Variants in DRG2 observed in about 807,000 individuals in gnomAD.
DRG2 encodes the protein developmentally-regulated GTP-binding protein 2.
Under a neutral mutation model 53.4 loss-of-function variants are expected in DRG2, and 36 were observed. That is an observed-to-expected ratio of 0.67 (90% confidence interval 0.52 to 0.89). The LOEUF is 0.89. Among genes scored for constraint, DRG2 ranks in the 40% least tolerant of loss-of-function variants. The probability of loss-of-function intolerance (pLI) is 0.00; values close to 1 mark genes in which losing one functional copy is unlikely to be tolerated. For synonymous variants in DRG2, 167 were observed against 192.1 expected, an observed-to-expected ratio of 0.87 and a Z score of 1.08; for missense variants, 342 against 481.2, an observed-to-expected ratio of 0.71 and a Z score of 2.71.
At position 18,098,303 on chromosome 17, in the gene DRG2, A is replaced by T; in HGVS notation, c.259A>T (p.Ser87Cys). 1.9e-6 allele frequency: 3 copies of T among 1,614,022 alleles called. No homozygotes were observed. The highest frequency in any genetic ancestry group is 2.5e-6 in the Non-Finnish European group (3 of 1,179,916). ...TFLSLMTSTA[S>C]EAASYEFTTL... ...CTTGAGTCTGATGACCTCCACGGCC[A>T]GCGAGGCAGCGTCCTATGAGTTCAC... The change falls in exon 3 of 13, where the codon AGC becomes TGC. Residue 87 changes from serine (S) to cysteine (C), a missense_variant. Coordinates refer to ENST00000225729, the MANE Select transcript of DRG2 (RefSeq NM_001388.5). This position sits in a 1 kb window ranked among gnomAD's most constrained non-coding sequence, Gnocchi z 4.1.
chr17:18,095,965 T>C (rs2045427775), intron 2 of DRG2: 1 of 152,218 alleles, frequency 6.6e-6, no homozygotes, highest in Non-Finnish European at 1.5e-5. Flanking sequence ...TAGACTTGCC[T>C]TGATTTGATA....
chr17:18,088,101 G>A lies in DRG2; in HGVS notation c.64+14G>A. 6.5e-7 allele frequency: 1 copy of A among 1,538,930 alleles called. No homozygotes were observed. The highest frequency in any genetic ancestry group is 1.2e-5 in the South Asian group (1 of 82,124). ...AGAAGAACAAGGGTGAGGGCCGGCCGGGCGGGGCCTTCCTTTCTGCCTGCC... is the reference window on the plus strand; with the variant it reads ...AGAAGAACAAGGGTGAGGGCCGGCCAGGCGGGGCCTTCCTTTCTGCCTGCC... On this transcript the variant is annotated intron_variant, in intron 1 of 12. Transcript: ENST00000225729.
Position 18,099,206 on chromosome 17 carries a change from T to TTCCA in DRG2, c.376+130_376+133dup. ...TATCCCGCTTTCCAGAAAAGACAGG[T>TTCCA]TCCAGTTCAAATCCTTGGCACCAAA... On this transcript the variant is annotated intron_variant, in intron 4 of 12. Coordinates refer to ENST00000225729, the MANE Select transcript of DRG2 (RefSeq NM_001388.5). The surrounding 1 kb of genome is among the most constrained non-coding windows in gnomAD (Gnocchi z 4.4). The TTCCA allele has an allele frequency of 7.9e-7, 1 of 1,273,194 alleles. No individual in the cohort carries two copies. Among genetic ancestry groups the TTCCA allele is most frequent in the Non-Finnish European group, 1.1e-6 (1 of 911,160 alleles). The allele number at this position is 1,273,194 out of a possible 1,614,324, so 78.9% of individuals were successfully genotyped here.
At chr17:18,090,654 C>T (rs1307930712) in intron 1 of DRG2, among the ~76,000 whole-genome samples, 1 of 151,750 alleles carries the variant, frequency 6.6e-6, no homozygotes, top group Non-Finnish European at 1.5e-5. Context: ...CCCACCTCGG[C>T]TTCCCAAAGT....
At chr17:18,106,692 T>G (rs1224851980) in intron 12 of DRG2, among the ~76,000 whole-genome samples, 2 of 145,426 alleles carry the variant, frequency 1.4e-5, no homozygotes, top group East Asian at 2.0e-4. Context: ...TTCTGGTTTT[T>G]TTTTTTTTTT....
In DRG2 at chr17:18,104,567, A is replaced by G. The variant is rs1332046453; in HGVS notation, c.896-56A>G. 3.7e-6 allele frequency: 6 copies of G among 1,612,106 alleles called. No homozygotes were observed. The African/African-American group carries it at 4.0e-5, about 11-fold the overall frequency. On this transcript the variant is annotated intron_variant, in intron 10 of 12. Transcript: ENST00000225729. ...AGCTCTTCCCTCGCGCAGAATCACA[A>G]GATGGCAGTGTGGGCCCTGATGTGT...
At position 18,101,973 on chromosome 17, in the gene DRG2, G is replaced by A. The variant is rs758537189; in HGVS notation, c.782G>A (p.Arg261Gln). ...ATGGAAGAGGTGGACCGCCTGGCCCGAAAACCCAACAGTGTGGTCATCAGG... is the reference window on the plus strand; with the variant it reads ...ATGGAAGAGGTGGACCGCCTGGCCCAAAAACCCAACAGTGTGGTCATCAGG... ...ISMEEVDRLA[R>Q]KPNSVVISCG... Residue 261 changes from arginine to glutamine, a missense_variant, in exon 9 of 13, where the codon CGA becomes CAA. By Grantham distance (43) the Arg-to-Gln change is conservative (BLOSUM62 1). Coordinates refer to ENST00000225729, the MANE Select transcript of DRG2 (RefSeq NM_001388.5). The A allele has an allele frequency of 1.4e-5, 22 of 1,611,124 alleles. No individual in the cohort carries two copies. The highest frequency in any genetic ancestry group is 6.7e-5 in the East Asian group (3 of 44,788).
chr17:18,098,163 A>T lies in DRG2; in HGVS notation c.226-107A>T. 1 of 866,450 alleles carries T rather than the reference A, an allele frequency of 1.2e-6. No homozygotes were observed. The highest frequency in any genetic ancestry group is 1.9e-6 in the Non-Finnish European group (1 of 530,302). 53.7% of individuals were successfully genotyped at this position (866,450 alleles called of 1,614,324 possible). A position where few individuals can be genotyped will look rare whatever the true frequency, so the allele number is the denominator to read the frequency against. ...CACCTAGGTCACCAAGCCGAGGGTG[A>T]GAGGGTCTCCTCCTGCTGCCTGCAC... On this transcript the variant is annotated intron_variant, in intron 2 of 12. Transcript: ENST00000225729. The surrounding 1 kb of genome is among the most constrained non-coding windows in gnomAD (Gnocchi z 4.1).
In DRG2 at chr17:18,098,155, C is replaced by G; in HGVS notation, c.226-115C>G. On this transcript the variant is annotated intron_variant, in intron 2 of 12. Transcript: ENST00000225729. This position sits in a 1 kb window ranked among gnomAD's most constrained non-coding sequence, Gnocchi z 4.1. Reference sequence around the variant, plus strand: ...TTCACAGCCACCTAGGTCACCAAGCCGAGGGTGAGAGGGTCTCCTCCTGCT... The same window carrying G: ...TTCACAGCCACCTAGGTCACCAAGCGGAGGGTGAGAGGGTCTCCTCCTGCT... 1.2e-6 allele frequency: 1 copy of G among 803,368 alleles called. No homozygotes were observed. Among genetic ancestry groups the G allele is most frequent in the Non-Finnish European group, 2.1e-6 (1 of 480,240 alleles). The allele number at this position is 803,368 out of a possible 1,614,324, so 49.8% of individuals were successfully genotyped here. A position where few individuals can be genotyped will look rare whatever the true frequency, so the allele number is the denominator to read the frequency against.
chr17:18,098,936 T>C lies in DRG2; in HGVS notation c.316-81T>C, dbSNP rs1201037604. 4.5e-6 allele frequency: 7 copies of C among 1,541,114 alleles called. No homozygotes were observed. In the East Asian group the frequency reaches 1.6e-4, roughly 35 times the overall value. On this transcript the variant is annotated intron_variant, in intron 3 of 12. Coordinates refer to ENST00000225729, the MANE Select transcript of DRG2 (RefSeq NM_001388.5). This position sits in a 1 kb window ranked among gnomAD's most constrained non-coding sequence, Gnocchi z 4.1. The stretch of plus-strand genomic sequence containing the variant: ...CCTCAGCCCCTGAGCCCCGGGGCCA[T>C]TCCAGATGTCCCAGATCCAGACAGG...
At chr17:18,106,686 GGT>G in intron 12 of DRG2, among the ~76,000 whole-genome samples, 200 bp downstream of exon 12, 2 of 113,440 alleles carry the variant, frequency 1.8e-5, no homozygotes, top group Admixed American at 1.1e-4. Flanking sequence ...TTTTTTTTCT[GGT>G]TTTTTTTTTT....
chr17:18,105,164 T>C (rs756620303), intron 11 of DRG2, among the ~76,000 whole-genome samples: 1 of 152,124 alleles, frequency 6.6e-6, no homozygotes, highest in Non-Finnish European at 1.5e-5. Flanking sequence ...GGAGCAGGCA[T>C]GCACAGGCCC....
chr17:18,092,581 C>G lies in DRG2; in HGVS notation c.65-1232C>G, dbSNP rs56858955. On this transcript the variant is annotated intron_variant, in intron 1 of 12. Transcript: ENST00000225729. The stretch of plus-strand genomic sequence containing the variant: ...CTTTTAGAGCAAAGAGTTTGTAACA[C>G]CATTTACAGTCCTGAAATGAAATTC... 6.9e-3 allele frequency among the ~76,000 whole-genome samples: 1,048 copies of G among 152,078 alleles called. 18 individuals are homozygous for G. The highest frequency in any genetic ancestry group is 0.024 in the African/African-American group (999 of 41,442).
intron 1 of DRG2, among the ~76,000 whole-genome samples, chr17:18,091,095 G>C (rs1175715849): frequency 1.3e-5 from 2 of 152,178 alleles, no homozygotes; most frequent in Non-Finnish European, 2.9e-5. Flanking sequence ...CTGACCTATC[G>C]GAGTCAGGGA....
Position 18,099,175 on chromosome 17 carries a change from G to A in DRG2, c.376+98G>A. On this transcript the variant is annotated intron_variant, in intron 4 of 12. Transcript: ENST00000225729. This position sits in a 1 kb window ranked among gnomAD's most constrained non-coding sequence, Gnocchi z 4.4. ...TCATGGAGATCACTCTGGATCCCTG[G>A]TCCATTATCCCGCTTTCCAGAAAAG... The A allele has an allele frequency of 3.3e-6, 5 of 1,500,538 alleles. No homozygotes were observed. Among genetic ancestry groups the A allele is most frequent in the Non-Finnish European group, 4.6e-6 (5 of 1,086,570 alleles). 93.0% of individuals were successfully genotyped at this position (1,500,538 alleles called of 1,614,324 possible). A position where few individuals can be genotyped will look rare whatever the true frequency, so the allele number is the denominator to read the frequency against.
At position 18,099,850 on chromosome 17, in the gene DRG2, C is replaced by CA. The variant is rs1343477679; in HGVS notation, c.467+128dup. The CA allele has an allele frequency of 2.3e-5, 21 of 924,136 alleles. No homozygotes were observed. The highest frequency in any genetic ancestry group is 3.0e-5 in the Non-Finnish European group (18 of 599,340). 57.2% of individuals were successfully genotyped at this position (924,136 alleles called of 1,614,324 possible). The stretch of plus-strand genomic sequence containing the variant: ...GTGAGAGTAGTGGTAGGACTTGTCA[C>CA]AGACTAAACCCAACACCACCCAGCC... On this transcript the variant is annotated intron_variant, in intron 5 of 12. Transcript: ENST00000225729. The surrounding 1 kb of genome is among the most constrained non-coding windows in gnomAD (Gnocchi z 4.4).
chr17:18,101,659 G>A (rs879649672), intron 8 of DRG2, 69 bp downstream of exon 8: 42 of 1,479,122 alleles, frequency 2.8e-5, no homozygotes, highest in Middle Eastern at 1.7e-4. Context: ...CTCAGCTCCC[G>A]GAACCTTGTG....
Position 18,107,221 on chromosome 17 carries a change from T to A in DRG2, c.1076T>A (p.Ile359Asn). The change falls in exon 13 of 13, where the codon ATC (isoleucine) becomes AAC (asparagine). Residue 359 changes from isoleucine (I) to asparagine (N), a missense_variant. Physicochemically the swap from Ile to Asn is moderately radical, Grantham distance 149 (BLOSUM62 -3). Transcript: ENST00000225729. ...CACACCATGGAGCATGAGGACGTCA[T>A]CCAGATCGTGAAGAAGTAACGGCGC... Reference protein sequence around the residue: ...LTHTMEHEDVIQIVKK With the variant: ...LTHTMEHEDVNQIVKK The A allele has an allele frequency of 1.9e-6, 3 of 1,613,236 alleles. No homozygotes were observed. Among genetic ancestry groups the A allele is most frequent in the Non-Finnish European group, 2.5e-6 (3 of 1,179,998 alleles).
Position 18,098,959 on chromosome 17 carries a change from A to G in DRG2, c.316-58A>G. On this transcript the variant is annotated intron_variant, in intron 3 of 12. Transcript: ENST00000225729. This position sits in a 1 kb window ranked among gnomAD's most constrained non-coding sequence, Gnocchi z 4.1. Reference sequence around the variant, plus strand: ...CATTCCAGATGTCCCAGATCCAGACAGGACCTTTCCAGTGGAGGCCCAGCC... The same window carrying G: ...CATTCCAGATGTCCCAGATCCAGACGGGACCTTTCCAGTGGAGGCCCAGCC... 1 of 1,596,486 alleles carries G rather than the reference A, an allele frequency of 6.3e-7. No homozygotes were observed. Among genetic ancestry groups the G allele is most frequent in the Non-Finnish European group, 8.6e-7 (1 of 1,165,068 alleles).
Sources: allele counts gnomAD v4.1 joint callset (sites outside exome capture counted in the v4.1 genomes callset), GRCh38; gene constraint gnomAD v4.1.1; non-coding constraint Gnocchi (gnomAD v3.1); transcripts MANE v1.5; gene names NCBI Gene and HGNC (gene_info 2026-07-23, HGNC 2026-07-21).